Variants in OSBP2 observed in about 807,000 individuals in gnomAD.
OSBP2 encodes oxysterol binding protein 2.
Under a neutral mutation model 96.0 loss-of-function variants are expected in OSBP2, and 66 were observed. The ratio of observed to expected loss-of-function variants is 0.69; its 90% CI spans 0.56 to 0.84. The LOEUF (loss-of-function observed/expected upper bound fraction) is 0.84. Ranked by LOEUF, OSBP2 falls within the 40% of genes least tolerant of loss-of-function variation. The pLI is 0.00. For synonymous variants in OSBP2, 525 were observed against 520.9 expected (o/e 1.01, Z -0.11); for missense variants, 1,038 against 1,222.7 (o/e 0.85, Z 2.25).
At chr22:30,840,784 A>G (rs1379806337) in intron 2 of OSBP2, among the ~76,000 whole-genome samples, 1 of 152,080 alleles carries the variant, frequency 6.6e-6, no homozygotes, top group Non-Finnish European at 1.5e-5. Context: ...TGGCACATAC[A>G]AAGTGCTGCA....
At chr22:30,693,797 T>C, upstream of OSBP2, 1 of 388,504 alleles carries the variant, frequency 2.6e-6, no homozygotes, top group Non-Finnish European at 4.8e-6. Flanking sequence ...TGAAACCCCG[T>C]TTCTACTAAA....
chr22:30,737,395 C>A (rs1171825453), intron 1 of OSBP2, among the ~76,000 whole-genome samples: 1 of 145,466 alleles, frequency 6.9e-6, no homozygotes, highest in Non-Finnish European at 1.5e-5. Context: ...ATGATTATGG[C>A]TCACTGCAGC....
intron 8 of OSBP2, among the ~76,000 whole-genome samples, chr22:30,892,916 C>A (rs1194080921): frequency 6.6e-6 from 1 of 152,178 alleles, no homozygotes; most frequent in Non-Finnish European, 1.5e-5. Flanking sequence ...AGGCTCAGGA[C>A]AGCACCCGGA....
At chr22:30,891,049 C>A in intron 8 of OSBP2, 76 bp downstream of exon 8, 1 of 1,522,616 alleles carries the variant, frequency 6.6e-7, no homozygotes, top group Middle Eastern at 1.9e-4. Context: ...CCCAAGGTGA[C>A]AAATGGGAGG....
At position 30,893,425 on chromosome 22, in the gene OSBP2, TG is replaced by T. The variant is rs753070847; in HGVS notation, c.1991-31del. On this transcript the variant is annotated intron_variant, in intron 9 of 13. Coordinates refer to ENST00000332585, the MANE Select transcript of OSBP2 (RefSeq NM_030758.4). ...AGGGCAGACTGGCCAGAGCCCTGCATGGGGGGGCATGACCTCTGACCTGTCC... is the reference window on the plus strand; with the variant it reads ...AGGGCAGACTGGCCAGAGCCCTGCATGGGGGGCATGACCTCTGACCTGTCC... 8 of 1,568,778 alleles carry T rather than the reference TG, an allele frequency of 5.1e-6. No homozygotes were observed. In the African/African-American group the frequency reaches 5.4e-5, roughly 11 times the overall value.
chr22:30,699,829 G>A (rs569491936), intron 1 of OSBP2, among the ~76,000 whole-genome samples: 1 of 152,176 alleles, frequency 6.6e-6, no homozygotes, highest in East Asian at 1.9e-4. Flanking sequence ...ATATTATTAA[G>A]AATTTTTAAA....
chr22:30,906,196 GAGA>G lies in OSBP2; in HGVS notation c.2611_2613del (p.Lys871del), dbSNP rs757354368. The G allele has an allele frequency of 2.4e-5, 39 of 1,613,924 alleles. No individual in the cohort carries two copies. Among genetic ancestry groups the G allele is most frequent in the Non-Finnish European group, 3.0e-5 (35 of 1,180,030 alleles). On this transcript the variant is annotated inframe_deletion and splice_region_variant, in exon 14 of 14. Transcript: ENST00000332585. ...ACCAGCCCACTGTGCCTGCCCAGCAGAGAAGGAGGCGGATGCCTACACGCCACT... is the reference window on the plus strand; with the variant it reads ...ACCAGCCCACTGTGCCTGCCCAGCAGAGGAGGCGGATGCCTACACGCCACT...
chr22:30,804,745 G>A (rs764840292), intron 2 of OSBP2, among the ~76,000 whole-genome samples: 5 of 152,012 alleles, frequency 3.3e-5, no homozygotes, highest in Admixed American at 6.6e-5. Flanking sequence ...TTTAACTACC[G>A]TATAAACACT....
intron 2 of OSBP2, among the ~76,000 whole-genome samples, chr22:30,850,069 G>A (rs1035223568): frequency 5.3e-5 from 8 of 152,012 alleles, no homozygotes; most frequent in South Asian, 2.1e-4. Flanking sequence ...TTGGGAGGCC[G>A]AGGCGGGTGG....
At chr22:30,695,889 G>C (rs561286128) in intron 1 of OSBP2, among the ~76,000 whole-genome samples, 4 of 152,280 alleles carry the variant, frequency 2.6e-5, no homozygotes, top group Non-Finnish European at 5.9e-5. Flanking sequence ...GCCCCTCAAA[G>C]TCCTTGCCCT....
intron 2 of OSBP2, among the ~76,000 whole-genome samples, chr22:30,836,437 C>A (rs114327642): frequency 1.3e-5 from 2 of 152,312 alleles, no homozygotes; most frequent in South Asian, 4.2e-4. Flanking sequence ...CAAGCACATA[C>A]AAAGCTATTT....
chr22:30,771,475 C>T (rs983504931), intron 2 of OSBP2, among the ~76,000 whole-genome samples: 1 of 152,196 alleles, frequency 6.6e-6, no homozygotes, highest in East Asian at 1.9e-4. Flanking sequence ...AGCACAGTGG[C>T]GGCCCCTGCC....
At chr22:30,858,885 TA>T (rs1334873087) in intron 2 of OSBP2, among the ~76,000 whole-genome samples, 1 of 57,080 alleles carries the variant, frequency 1.8e-5, no homozygotes, top group East Asian at 6.5e-4. Flanking sequence ...GTCTCAATAA[TA>T]ATAATAATAA....
chr22:30,878,206 C>T (rs1415045016), intron 3 of OSBP2, among the ~76,000 whole-genome samples: 1 of 151,952 alleles, frequency 6.6e-6, no homozygotes, highest in African/African-American at 2.4e-5. Flanking sequence ...TGCCAAGTGA[C>T]TCAATGCCAA....
At chr22:30,782,519 G>A (rs945636377) in intron 2 of OSBP2, among the ~76,000 whole-genome samples, 3 of 152,174 alleles carry the variant, frequency 2.0e-5, no homozygotes, top group Non-Finnish European at 4.4e-5. Context: ...AAATGGGATT[G>A]TACTGCAAGT....
At chr22:30,803,579 G>A (rs550126144) in intron 2 of OSBP2, among the ~76,000 whole-genome samples, 13 of 152,362 alleles carry the variant, frequency 8.5e-5, no homozygotes, top group South Asian at 6.2e-4. Context: ...CCAGACAGAG[G>A]CCAGCCATCT....
At chr22:30,850,691 G>A (rs2038963337) in intron 2 of OSBP2, among the ~76,000 whole-genome samples, 1 of 152,164 alleles carries the variant, frequency 6.6e-6, no homozygotes, top group Non-Finnish European at 1.5e-5. Flanking sequence ...TAGAGGCAGG[G>A]TTTCACCATG....
intron 3 of OSBP2, among the ~76,000 whole-genome samples, chr22:30,884,266 A>G (rs937087437): frequency 6.6e-6 from 1 of 152,172 alleles, no homozygotes; most frequent in African/African-American, 2.4e-5. Flanking sequence ...GGAGACCTTC[A>G]TCTGTCCAAT....
chr22:30,837,574 A>T (rs1321508257), intron 2 of OSBP2, among the ~76,000 whole-genome samples: 2 of 152,200 alleles, frequency 1.3e-5, no homozygotes, highest in African/African-American at 2.4e-5. Context: ...GCTCAGAAGG[A>T]ATGGAGTCCA....
Sources: gnomAD v4.1 joint callset for allele counts (sites outside exome capture counted in the v4.1 genomes callset) on GRCh38, gnomAD v4.1.1 for gene constraint, MANE v1.5 for transcripts, NCBI Gene and HGNC (gene_info 2026-07-23, HGNC 2026-07-21) for gene names.